Variants in GABRA3 observed in about 807,000 individuals in gnomAD.
GABRA3 encodes the protein gamma-aminobutyric acid type A receptor subunit alpha3, also known as gamma-aminobutyric acid receptor subunit alpha-3.
GABRA3 carries 10 observed loss-of-function variants against 30.1 expected under a neutral mutation model. The ratio of observed to expected loss-of-function variants is 0.33; its 90% CI spans 0.20 to 0.56. GABRA3 has a LOEUF of 0.56. Among genes scored for constraint, GABRA3 ranks in the 20% least tolerant of loss-of-function variants. The pLI, the probability that GABRA3 is intolerant of heterozygous loss-of-function variation, is 0.89. For synonymous variants in GABRA3, 151 were observed against 146.8 expected, an observed-to-expected ratio of 1.03 and a Z score of -0.21; for missense variants, 233 against 392.0, an observed-to-expected ratio of 0.59 and a Z score of 3.42.
chrX:152,326,152 G>T (rs1303775677), intron 3 of GABRA3, among the ~76,000 whole-genome samples: 3 of 110,971 alleles, frequency 2.7e-5, no homozygotes, highest in African/African-American at 9.8e-5. Flanking sequence ...GAAGTTTAGA[G>T]AAAAAAGAGT....
intron 5 of GABRA3, among the ~76,000 whole-genome samples, chrX:152,234,451 C>A (rs1171009003): frequency 9.0e-6 from 1 of 110,673 alleles, no homozygotes; most frequent in African/African-American, 3.3e-5. Context: ...ATATCTTTTG[C>A]TGTGCAAAAG....
At chrX:152,304,614 A>C (rs1939692132) in intron 3 of GABRA3, among the ~76,000 whole-genome samples, 1 of 111,309 alleles carries the variant, frequency 9.0e-6, no homozygotes, top group South Asian at 3.7e-4. Context: ...TGTAGGTGTG[A>C]GGCTTTATTT....
chrX:152,196,956 T>C (rs761224909), intron 8 of GABRA3, among the ~76,000 whole-genome samples: 5 of 112,614 alleles, frequency 4.4e-5, no homozygotes, highest in African/African-American at 1.6e-4. Flanking sequence ...CACTCAAGTA[T>C]ATGCCTCAAA....
At chrX:152,258,618 G>T (rs907655261) in intron 4 of GABRA3, among the ~76,000 whole-genome samples, 4 of 111,583 alleles carry the variant, frequency 3.6e-5, no homozygotes, top group African/African-American at 6.5e-5. Flanking sequence ...ATCCCAGCCA[G>T]TACATAATGA....
intron 3 of GABRA3, among the ~76,000 whole-genome samples, chrX:152,322,928 C>T (rs1249902962): frequency 2.1e-5 from 2 of 94,874 alleles, no homozygotes; most frequent in African/African-American, 4.0e-5. Flanking sequence ...TCTCGGCTCA[C>T]TGCAACCTCC....
At chrX:152,376,631 A>G (rs910271797) in intron 1 of GABRA3, among the ~76,000 whole-genome samples, 3 of 111,251 alleles carry the variant, frequency 2.7e-5, no homozygotes, top group Non-Finnish European at 5.7e-5. Context: ...TTCTACCAAT[A>G]TGTTTCTTTC....
At chrX:152,325,201 C>G (rs534584187) in intron 3 of GABRA3, among the ~76,000 whole-genome samples, 1 of 111,502 alleles carries the variant, frequency 9.0e-6, no homozygotes, top group East Asian at 2.8e-4. Flanking sequence ...GAAAAAGGCC[C>G]AAGGTCAAAA....
intron 1 of GABRA3, chrX:152,392,291 C>G (rs765248882): frequency 2.6e-6 from 1 of 386,669 alleles, no homozygotes; most frequent in Admixed American, 2.5e-5. Context: ...CATTTGACCA[C>G]GATGCACACT....
chrX:152,363,506 C>G (rs1447069062), intron 2 of GABRA3, among the ~76,000 whole-genome samples: 1 of 111,268 alleles, frequency 9.0e-6, no homozygotes, highest in Non-Finnish European at 1.9e-5. Context: ...GGTCCCTTGC[C>G]TCAAAGTAGG....
intron 6 of GABRA3, among the ~76,000 whole-genome samples, chrX:152,223,751 A>G (rs1156627927): frequency 2.7e-5 from 3 of 110,046 alleles, no homozygotes; most frequent in Non-Finnish European, 5.7e-5. Flanking sequence ...CCCTACTTTC[A>G]ATTTCAGTGG....
intron 5 of GABRA3, among the ~76,000 whole-genome samples, chrX:152,225,710 C>A (rs183441829): frequency 6.9e-4 from 74 of 107,914 alleles, no homozygotes; most frequent in African/African-American, 2.3e-3. Context: ...CAAGGCTTAA[C>A]TTTCCTCGGG....
intron 1 of GABRA3, among the ~76,000 whole-genome samples, chrX:152,416,098 G>T (rs778660189): frequency 9.4e-6 from 1 of 105,888 alleles, no homozygotes; most frequent in Non-Finnish European, 1.9e-5. Context: ...GTTTGCAGAT[G>T]ACATGATTGT....
chrX:152,229,982 C>T (rs1158438824), intron 5 of GABRA3, among the ~76,000 whole-genome samples: 1 of 111,313 alleles, frequency 9.0e-6, no homozygotes, highest in Non-Finnish European at 1.9e-5. Context: ...CATCTAGCAT[C>T]ATAGTTAATA....
chrX:152,400,730 A>C, intron 1 of GABRA3, among the ~76,000 whole-genome samples: 1 of 111,625 alleles, frequency 9.0e-6, no homozygotes, highest in South Asian at 3.9e-4. Flanking sequence ...TAATTACATG[A>C]GCCTTTAAAA....
At chrX:152,322,049 A>G (rs1480142258) in intron 3 of GABRA3, among the ~76,000 whole-genome samples, 1 of 112,626 alleles carries the variant, frequency 8.9e-6, no homozygotes, top group Non-Finnish European at 1.9e-5. Context: ...GTTTACAGCA[A>G]TACAATTTAC....
intron 1 of GABRA3, among the ~76,000 whole-genome samples, chrX:152,435,119 G>C (rs745334525): frequency 1.8e-5 from 2 of 111,828 alleles, no homozygotes; most frequent in Non-Finnish European, 3.8e-5. Context: ...AATTAAAACT[G>C]TGTTTACTAC....
At position 152,380,941 on chromosome X, in the gene GABRA3, C is replaced by T. The variant is rs185428609; in HGVS notation, c.-26-16345G>A. 5.4e-5 allele frequency among the ~76,000 whole-genome samples: 6 copies of T among 111,857 alleles called. No homozygotes were observed. The South Asian group carries it at 1.9e-3, about 35-fold the overall frequency. On this transcript the variant is annotated intron_variant, in intron 1 of 9. Coordinates refer to ENST00000370314, the MANE Select transcript of GABRA3 (RefSeq NM_000808.4). ...ATGGGGGCAGATCCCTCATTAATGA[C>T]TTAGTGCTGTTCTAGCAGTAGTGAG...
chrX:152,268,172 T>A (rs1037485985), intron 4 of GABRA3, among the ~76,000 whole-genome samples: 3 of 111,447 alleles, frequency 2.7e-5, no homozygotes, highest in African/African-American at 9.8e-5. Flanking sequence ...ATTTTTTTTA[T>A]GTTGTATTTC....
intron 3 of GABRA3, among the ~76,000 whole-genome samples, chrX:152,291,667 T>C (rs1939420857): frequency 9.0e-6 from 1 of 111,622 alleles, no homozygotes; most frequent in Admixed American, 9.5e-5. Flanking sequence ...ATAGCTCTTA[T>C]TATTTTGAGA....
Sources: allele counts gnomAD v4.1 joint callset (sites outside exome capture counted in the v4.1 genomes callset), GRCh38; gene constraint gnomAD v4.1.1; transcripts MANE v1.5; gene names NCBI Gene and HGNC (gene_info 2026-07-23, HGNC 2026-07-21).